Variants in LYPD6 observed in about 807,000 individuals in gnomAD.
LYPD6 encodes LY6/PLAUR domain containing 6, also known as ly6/PLAUR domain-containing protein 6.
Under a neutral mutation model 22.7 loss-of-function variants are expected in LYPD6, and 15 were observed. That is an observed-to-expected ratio of 0.66 (90% CI 0.44 to 1.02). LYPD6 has a LOEUF of 1.02. Among genes scored for constraint, LYPD6 ranks in the 50% least tolerant of loss-of-function variants. The pLI is 0.00. For synonymous variants in LYPD6, 72 were observed against 77.5 expected, an observed-to-expected ratio of 0.93 and a Z score of 0.37; for missense variants, 189 against 208.4, an observed-to-expected ratio of 0.91 and a Z score of 0.57.
rs189604554 is a variant in LYPD6, at chr2:149,399,752, A to G, written c.-71-37886A>G. ...GATAAATAAAAATAAGTACATAATGAAATAAATAAAATCATTAGAGGGACA... is the reference window on the plus strand; with the variant it reads ...GATAAATAAAAATAAGTACATAATGGAATAAATAAAATCATTAGAGGGACA... On this transcript the variant is annotated intron_variant, in intron 1 of 4. Coordinates refer to ENST00000334166, the MANE Select transcript of LYPD6 (RefSeq NM_194317.5). Among the ~76,000 whole-genome samples, 1,118 of 151,754 alleles carry G rather than the reference A, an allele frequency of 7.4e-3. 15 individuals carry two copies. Among genetic ancestry groups the G allele is most frequent in the African/African-American group, 0.025 (1,039 of 41,486 alleles).
intron 1 of LYPD6, among the ~76,000 whole-genome samples, chr2:149,425,132 T>C (rs577751281): frequency 6.6e-6 from 1 of 152,316 alleles, no homozygotes; most frequent in Non-Finnish European, 1.5e-5. Flanking sequence ...TTTTCATGGA[T>C]AATGCCTGTG....
At chr2:149,399,035 C>T (rs1179652908) in intron 1 of LYPD6, among the ~76,000 whole-genome samples, 2 of 151,418 alleles carry the variant, frequency 1.3e-5, no homozygotes, top group Admixed American at 6.6e-5. Flanking sequence ...GCCACTATGC[C>T]AAAATGATAT....
chr2:149,428,324 G>T (rs962765456), intron 1 of LYPD6, among the ~76,000 whole-genome samples: 1 of 152,210 alleles, frequency 6.6e-6, no homozygotes, highest in Non-Finnish European at 1.5e-5. Context: ...TGGGCAAAGG[G>T]AGATTTATTG....
intron 2 of LYPD6, among the ~76,000 whole-genome samples, chr2:149,444,701 C>T (rs552667743): frequency 6.6e-5 from 10 of 152,088 alleles, no homozygotes; most frequent in African/African-American, 2.2e-4. Context: ...ATTCACTTAA[C>T]TTCTATTATG....
Position 149,389,324 on chromosome 2 carries a change from C to T in LYPD6, c.-71-48314C>T, listed in dbSNP as rs577524039. 3.3e-5 allele frequency among the ~76,000 whole-genome samples: 5 copies of T among 152,050 alleles called. No individual in the cohort carries two copies. The East Asian group carries it at 5.8e-4, about 18-fold the overall frequency. On this transcript the variant is annotated intron_variant, in intron 1 of 4. Coordinates refer to ENST00000334166, the MANE Select transcript of LYPD6 (RefSeq NM_194317.5). ...GTTGGGGTAGCTACTCCTGTCTCTCCGAGTTGATTTGATACTGCTTCCTTG... is the reference window on the plus strand; with the variant it reads ...GTTGGGGTAGCTACTCCTGTCTCTCTGAGTTGATTTGATACTGCTTCCTTG...
At chr2:149,423,362 C>T (rs1683121755) in intron 1 of LYPD6, among the ~76,000 whole-genome samples, 2 of 152,182 alleles carry the variant, frequency 1.3e-5, no homozygotes, top group African/African-American at 4.8e-5. Flanking sequence ...AAATACATTT[C>T]CAGTTCGTGA....
chr2:149,347,348 G>A (rs1322131017), intron 1 of LYPD6, among the ~76,000 whole-genome samples: 1 of 152,102 alleles, frequency 6.6e-6, no homozygotes, highest in Admixed American at 6.5e-5. Flanking sequence ...TATGAATTTT[G>A]GGGGACACAA....
intron 1 of LYPD6, among the ~76,000 whole-genome samples, chr2:149,368,922 A>T (rs1681741394): frequency 6.6e-6 from 1 of 152,172 alleles, no homozygotes; most frequent in South Asian, 2.1e-4. Context: ...TCGCCAGTCT[A>T]CAAAATATTG....
chr2:149,477,780 A>G (rs1451565918), downstream of LYPD6, among the ~76,000 whole-genome samples: 1 of 152,106 alleles, frequency 6.6e-6, no homozygotes, highest in Non-Finnish European at 1.5e-5. Flanking sequence ...GAGGTGAGAG[A>G]AGACTCCCCA....
chr2:149,387,944 C>T (rs1228859461), intron 1 of LYPD6, among the ~76,000 whole-genome samples: 2 of 152,088 alleles, frequency 1.3e-5, no homozygotes, highest in East Asian at 3.9e-4. Context: ...GTTTTGACTT[C>T]TAAGTATTTG....
At chr2:149,340,486 G>T (rs959356993) in intron 1 of LYPD6, among the ~76,000 whole-genome samples, 1 of 152,156 alleles carries the variant, frequency 6.6e-6, no homozygotes, top group Non-Finnish European at 1.5e-5. Context: ...TAGAGGGAAG[G>T]TTGGAGGTCT....
chr2:149,451,732 A>T (rs1320984748), intron 3 of LYPD6, among the ~76,000 whole-genome samples: 1 of 152,054 alleles, frequency 6.6e-6, no homozygotes, highest in Non-Finnish European at 1.5e-5. Flanking sequence ...TTTCCCCTCT[A>T]CTTTTATCTT....
intron 4 of LYPD6, among the ~76,000 whole-genome samples, chr2:149,469,007 A>G (rs1681272669): frequency 6.6e-6 from 1 of 152,240 alleles, no homozygotes; most frequent in African/African-American, 2.4e-5. Context: ...GAGGGTGTTC[A>G]GTGTTATTGT....
chr2:149,419,526 TA>T (rs2105130934), intron 1 of LYPD6, among the ~76,000 whole-genome samples: 1 of 152,348 alleles, frequency 6.6e-6, no homozygotes, highest in African/African-American at 2.4e-5. Flanking sequence ...CAGTTGTGGC[TA>T]GTGGCTCCCA....
chr2:149,450,840 A>G (rs1683790442), intron 3 of LYPD6, among the ~76,000 whole-genome samples: 1 of 152,218 alleles, frequency 6.6e-6, no homozygotes, highest in Non-Finnish European at 1.5e-5. Context: ...AGGATTTTTA[A>G]AAGCCCTCCA....
chr2:149,439,778 C>G (rs1465604802), intron 2 of LYPD6: 1 of 152,194 alleles, frequency 6.6e-6, no homozygotes, highest in African/African-American at 2.4e-5. Flanking sequence ...TGAAAAAGTT[C>G]TGCTCATATG....
intron 1 of LYPD6, among the ~76,000 whole-genome samples, chr2:149,392,177 G>A (rs1414339291): frequency 6.6e-6 from 1 of 152,078 alleles, no homozygotes; most frequent in African/African-American, 2.4e-5. Context: ...ATCTCATCAT[G>A]AGAGTCCTAC....
chr2:149,370,799 A>C (rs1282478058), intron 1 of LYPD6, among the ~76,000 whole-genome samples: 2 of 152,118 alleles, frequency 1.3e-5, no homozygotes, highest in African/African-American at 4.8e-5. Context: ...CCCTACAAAA[A>C]ATAAAAAAAT....
At chr2:149,482,371 T>G in the LYPD6 span, among the ~76,000 whole-genome samples, 1 of 152,172 alleles carries the variant, frequency 6.6e-6, no homozygotes, top group Non-Finnish European at 1.5e-5. Flanking sequence ...ATCAAGAAAT[T>G]TAACATAGAC....
Sources: allele counts gnomAD v4.1 joint callset (sites outside exome capture counted in the v4.1 genomes callset), GRCh38; gene constraint gnomAD v4.1.1; transcripts MANE v1.5; gene names NCBI Gene and HGNC (gene_info 2026-07-23, HGNC 2026-07-21).